Variants in ADAMTS17 observed in about 807,000 individuals in gnomAD.
The protein encoded by ADAMTS17 is A disintegrin and metalloproteinase with thrombospondin motifs 17.
A neutral mutation model predicts 141.5 loss-of-function variants in ADAMTS17; 113 were observed. The ratio of observed to expected loss-of-function variants is 0.80; its 90% CI spans 0.69 to 0.93. The LOEUF is 0.93. Among genes scored for constraint, ADAMTS17 ranks in the 40% least tolerant of loss-of-function variants. The pLI is 0.00. For synonymous variants in ADAMTS17, 768 were observed against 630.6 expected, an observed-to-expected ratio of 1.22 and a Z score of -3.27; for missense variants, 1,659 against 1,517.9, an observed-to-expected ratio of 1.09 and a Z score of -1.54.
intron 12 of ADAMTS17, among the ~76,000 whole-genome samples, chr15:100,122,088 C>A (rs2037481150): frequency 6.6e-6 from 1 of 152,194 alleles, no homozygotes; most frequent in South Asian, 2.1e-4. Context: ...CAGCTACTGT[C>A]TGTCCTTCAC....
chr15:100,034,559 G>C (rs572902198), intron 18 of ADAMTS17, among the ~76,000 whole-genome samples: 1 of 152,352 alleles, frequency 6.6e-6, no homozygotes, highest in South Asian at 2.1e-4. Context: ...CTGGGCTTGG[G>C]AAGAAGGACC....
chr15:100,312,396 C>T (rs2141864856), intron 3 of ADAMTS17, among the ~76,000 whole-genome samples: 1 of 152,298 alleles, frequency 6.6e-6, no homozygotes, highest in East Asian at 1.9e-4. Context: ...AACAGATTCT[C>T]CCCTGGAACC....
At chr15:99,981,691 G>A (rs2060485112) in intron 20 of ADAMTS17, among the ~76,000 whole-genome samples, 1 of 152,180 alleles carries the variant, frequency 6.6e-6, no homozygotes, top group Non-Finnish European at 1.5e-5. Context: ...TAACAGTTTG[G>A]AAGACAAACC....
At chr15:100,015,153 T>A (rs897505085) in intron 18 of ADAMTS17, among the ~76,000 whole-genome samples, 11 of 152,198 alleles carry the variant, frequency 7.2e-5, no homozygotes, top group Non-Finnish European at 1.5e-4. Context: ...TGCTTTAAAG[T>A]TTTTTTCGTC....
chr15:100,041,974 C>T (rs1175156583), intron 18 of ADAMTS17, among the ~76,000 whole-genome samples: 1 of 152,152 alleles, frequency 6.6e-6, no homozygotes, highest in South Asian at 2.1e-4. Context: ...TTGCCAGGTT[C>T]AACAGTGGGT....
rs201644342 is a variant in ADAMTS17 at position 99,997,455 on chromosome 15, C to T, written c.2726G>A (p.Arg909Gln). The T allele has an allele frequency of 1.2e-4, 200 of 1,613,548 alleles. No individual in the cohort carries two copies. The highest frequency in any genetic ancestry group is 1.5e-4 in the Non-Finnish European group (174 of 1,179,956). The part of the protein sequence containing the change: ...ATRPLYCPGP[R>Q]PAAVQSCEGQ... Reference sequence around the variant, plus strand: ...TTCACAGCTCTGCACTGCCGCCGGCCGGGGGCCCGGGCAGTAGAGGGGCCG... The same window carrying T: ...TTCACAGCTCTGCACTGCCGCCGGCTGGGGGCCCGGGCAGTAGAGGGGCCG... Residue 909 changes from arginine (R) to glutamine (Q), a missense_variant, in exon 19 of 22, where the codon CGG becomes CAG. Physicochemically the swap from Arg to Gln is conservative, Grantham distance 43 (BLOSUM62 1). Coordinates refer to ENST00000268070, the MANE Select transcript of ADAMTS17 (RefSeq NM_139057.4). This position sits in a 1 kb window ranked among gnomAD's most constrained non-coding sequence, Gnocchi z 4.7.
chr15:100,056,144 T>C (rs1250229255), intron 15 of ADAMTS17, among the ~76,000 whole-genome samples: 1 of 152,268 alleles, frequency 6.6e-6, no homozygotes, highest in African/African-American at 2.4e-5. Context: ...GGATTTCCAA[T>C]GCTTCTAGTG....
chr15:100,177,515 C>T (rs900978918), intron 8 of ADAMTS17, among the ~76,000 whole-genome samples: 1 of 152,178 alleles, frequency 6.6e-6, no homozygotes, highest in African/African-American at 2.4e-5. Flanking sequence ...ATATACCTTA[C>T]ACGATCTCAA....
At chr15:100,087,062 T>G (rs1425229458) in intron 15 of ADAMTS17, among the ~76,000 whole-genome samples, 1 of 152,136 alleles carries the variant, frequency 6.6e-6, no homozygotes, top group African/African-American at 2.4e-5. Context: ...AGCTGATTTT[T>G]TGAAAAGATC....
At chr15:99,985,803 C>T (rs768741976) in intron 20 of ADAMTS17, among the ~76,000 whole-genome samples, 17 of 152,200 alleles carry the variant, frequency 1.1e-4, no homozygotes, top group African/African-American at 3.6e-4. Context: ...CCTGAGGGAA[C>T]GTGCTTTGTA....
At chr15:100,183,249 C>G (rs550906460) in intron 8 of ADAMTS17, among the ~76,000 whole-genome samples, 4 of 152,146 alleles carry the variant, frequency 2.6e-5, no homozygotes, top group Non-Finnish European at 5.9e-5. Flanking sequence ...TTGGCCTCCC[C>G]CAAAGTGCTG....
rs565080866 is a variant in ADAMTS17 at position 100,161,220 on chromosome 15, C to A, written c.1182-5900G>T. ...GCGGCGAGTTCTGAGAGGATTCCCA[C>A]AGCACTCGACCCCTCCTGGCTTCCG... On this transcript the variant is annotated intron_variant, in intron 8 of 21. Coordinates refer to ENST00000268070, the MANE Select transcript of ADAMTS17 (RefSeq NM_139057.4). Among the ~76,000 whole-genome samples, 37 of 152,344 alleles carry A rather than the reference C, an allele frequency of 2.4e-4. No homozygotes were observed. The South Asian group carries it at 7.7e-3, about 32-fold the overall frequency.
At chr15:100,070,512 T>C (rs1332492922) in intron 15 of ADAMTS17, among the ~76,000 whole-genome samples, 3 of 150,214 alleles carry the variant, frequency 2.0e-5, no homozygotes, top group African/African-American at 7.4e-5. Context: ...CCTCAGCAAA[T>C]GTAAAACAAT....
At chr15:100,032,548 C>T (rs773781300) in intron 18 of ADAMTS17, among the ~76,000 whole-genome samples, 9 of 152,120 alleles carry the variant, frequency 5.9e-5, no homozygotes, top group Non-Finnish European at 1.3e-4. Context: ...CTCCAGCTTC[C>T]CCTTGATAGC....
At position 100,030,819 on chromosome 15, in the gene ADAMTS17, C is replaced by T. The variant is rs1456288255; in HGVS notation, c.2591+18038G>A. Among the ~76,000 whole-genome samples, 8 of 152,182 alleles carry T rather than the reference C, an allele frequency of 5.3e-5. 1 individual carries two copies. The highest frequency in any genetic ancestry group is 6.3e-3 in the Middle Eastern group (2 of 316). On this transcript the variant is annotated intron_variant, in intron 18 of 21. Transcript: ENST00000268070. Reference sequence around the variant, plus strand: ...TCTTTTACTATCTGGAAAATACCAGCATGGGTTTAGATTATGTAGTTATAA... The same window carrying T: ...TCTTTTACTATCTGGAAAATACCAGTATGGGTTTAGATTATGTAGTTATAA...
intron 2 of ADAMTS17, 123 bp downstream of exon 2, chr15:100,340,916 G>A: frequency 4.3e-6 from 6 of 1,410,340 alleles, no homozygotes; most frequent in South Asian, 1.2e-5. Context: ...AAGGCAGGGG[G>A]TTCCCTCCGG....
intron 18 of ADAMTS17, among the ~76,000 whole-genome samples, chr15:100,037,609 A>G (rs1223886657): frequency 6.6e-6 from 1 of 152,044 alleles, no homozygotes; most frequent in African/African-American, 2.4e-5. Context: ...GGGTTTCACC[A>G]TGTTGCCCAG....
At chr15:100,237,087 A>G (rs748892264) in intron 7 of ADAMTS17, among the ~76,000 whole-genome samples, 17 of 152,018 alleles carry the variant, frequency 1.1e-4, no homozygotes, top group Admixed American at 3.3e-4. Context: ...TGCCCCTGCA[A>G]CATCTTACCC....
chr15:100,147,531 G>C (rs984975500), intron 10 of ADAMTS17, among the ~76,000 whole-genome samples: 4 of 152,098 alleles, frequency 2.6e-5, no homozygotes, highest in Admixed American at 2.0e-4. Flanking sequence ...TAACACAATG[G>C]TATTTTGTGT....
Sources: allele counts gnomAD v4.1 joint callset (sites outside exome capture counted in the v4.1 genomes callset), GRCh38; gene constraint gnomAD v4.1.1; non-coding constraint Gnocchi (gnomAD v3.1); transcripts MANE v1.5; gene names NCBI Gene and HGNC (gene_info 2026-07-23, HGNC 2026-07-21).